LNPK: variants seen among roughly 807,000 people sequenced by gnomAD.
LNPK encodes endoplasmic reticulum junction formation protein lunapark.
LNPK carries 29 observed loss-of-function variants against 55.2 expected under a neutral mutation model. That is an observed-to-expected ratio of 0.53 (90% CI 0.39 to 0.72). The LOEUF (loss-of-function observed/expected upper bound fraction) is 0.72, where lower values mean the gene tolerates loss of function less well. LNPK is among the 30% of genes least tolerant of loss of function. The probability of loss-of-function intolerance (pLI) is 0.00; values close to 1 mark genes in which losing one functional copy is unlikely to be tolerated. For missense variants in LNPK, 467 were observed against 494.8 expected (o/e 0.94, Z 0.53); for synonymous variants, 162 against 168.2 (o/e 0.96, Z 0.29).
At chr2:176,001,789 C>T (rs1046635843) in intron 1 of LNPK, among the ~76,000 whole-genome samples, 11 of 152,238 alleles carry the variant, frequency 7.2e-5, no homozygotes, top group African/African-American at 2.4e-4. Flanking sequence ...CCTCTTTGCC[C>T]CACCTGTGTC....
intron 5 of LNPK, 82 bp downstream of exon 5, chr2:175,979,723 AATATC>A (rs1365048779): frequency 8.8e-7 from 1 of 1,139,456 alleles, no homozygotes; most frequent in Non-Finnish European, 1.2e-6. Context: ...TTATCATTCC[AATATC>A]ATATTTTACA....
At chr2:175,961,739 A>G (rs1344232911) in intron 8 of LNPK, among the ~76,000 whole-genome samples, 5 of 152,186 alleles carry the variant, frequency 3.3e-5, no homozygotes, top group African/African-American at 7.2e-5. Flanking sequence ...AGGGTATTCA[A>G]TTAGGAAAAG....
intron 8 of LNPK, among the ~76,000 whole-genome samples, chr2:175,956,776 A>G (rs1685715765): frequency 6.6e-6 from 1 of 152,076 alleles, no homozygotes; most frequent in Admixed American, 6.6e-5. Flanking sequence ...TCCATAATCC[A>G]TTGTGATAAT....
chr2:175,961,993 C>G (rs1686055294), intron 8 of LNPK, among the ~76,000 whole-genome samples: 2 of 152,176 alleles, frequency 1.3e-5, no homozygotes, highest in Non-Finnish European at 2.9e-5. Context: ...ATCCAACTTA[C>G]AAGAGATGTG....
intron 8 of LNPK, 49 bp downstream of exon 8, chr2:175,964,322 TA>T: frequency 6.7e-7 from 1 of 1,487,010 alleles, no homozygotes; most frequent in African/African-American, 1.4e-5. Context: ...CTCACTTGGG[TA>T]ATTATGGATC....
At chr2:175,983,786 A>G (rs1687285149) in intron 4 of LNPK, among the ~76,000 whole-genome samples, 1 of 152,108 alleles carries the variant, frequency 6.6e-6, no homozygotes, top group Middle Eastern at 3.2e-3. Flanking sequence ...AAACTAAAAG[A>G]AAGTCACATT....
chr2:175,929,380 G>C lies in LNPK; in HGVS notation c.*587C>G, dbSNP rs1436150041. 1.0e-6 allele frequency: 1 copy of C among 985,634 alleles called. No individual in the cohort carries two copies. The highest frequency in any genetic ancestry group is 1.2e-6 in the Non-Finnish European group (1 of 829,774). 61.1% of individuals were successfully genotyped at this position (985,634 alleles called of 1,614,324 possible). A position where few individuals can be genotyped will look rare whatever the true frequency, so the allele number is the denominator to read the frequency against. ...GCATTCTCACTGAGAATTCGTACCA[G>C]TGCCAACGTAGTTACAGTTCTACTT... is the stretch of plus-strand genomic sequence containing the variant. On this transcript the variant is annotated 3_prime_UTR_variant, in exon 13 of 13. Transcript: ENST00000272748.
chr2:175,993,042 A>C, intron 3 of LNPK, 140 bp downstream of exon 3: 1 of 547,310 alleles, frequency 1.8e-6, no homozygotes, highest in Non-Finnish European at 3.2e-6. Flanking sequence ...TTGAGATCAC[A>C]TAATATTAAA....
chr2:175,993,724 C>T (rs1294258774), intron 2 of LNPK, among the ~76,000 whole-genome samples: 1 of 151,672 alleles, frequency 6.6e-6, no homozygotes. Flanking sequence ...ACCCGGGAGC[C>T]AGAGGTTGCA....
intron 5 of LNPK, among the ~76,000 whole-genome samples, chr2:175,979,521 G>A (rs1315535470): frequency 6.6e-6 from 1 of 151,452 alleles, no homozygotes; most frequent in African/African-American, 2.4e-5. Context: ...TCGTGCCACT[G>A]CACTCCTGCC....
At position 175,985,908 on chromosome 2, in the gene LNPK, A is replaced by G. The variant is rs1687386013; in HGVS notation, c.258-6040T>C. On this transcript the variant is annotated intron_variant, in intron 4 of 12. Coordinates refer to ENST00000272748, the MANE Select transcript of LNPK (RefSeq NM_030650.3). ...CAAAACTATGGATGAAGGAAAAACT[A>G]CCATATAGATGTTACCATTGGGGTG... Among the ~76,000 whole-genome samples, 4 of 152,224 alleles carry G rather than the reference A, an allele frequency of 2.6e-5. No homozygotes were observed. The South Asian group carries it at 8.3e-4, about 32-fold the overall frequency.
At chr2:175,962,480 C>T (rs1399686616) in intron 8 of LNPK, among the ~76,000 whole-genome samples, 1 of 152,132 alleles carries the variant, frequency 6.6e-6, no homozygotes, top group Admixed American at 6.6e-5. Flanking sequence ...ATAAATGGTG[C>T]TGGGAAAACT....
chr2:175,970,271 G>A (rs1040173313), intron 6 of LNPK, among the ~76,000 whole-genome samples: 2 of 152,054 alleles, frequency 1.3e-5, no homozygotes, highest in Admixed American at 6.6e-5. Flanking sequence ...TGTGATCAGA[G>A]TTACTGATAG....
intron 1 of LNPK, among the ~76,000 whole-genome samples, chr2:176,000,866 T>C (rs1227896310): frequency 6.6e-6 from 1 of 152,220 alleles, no homozygotes; most frequent in Non-Finnish European, 1.5e-5. Context: ...TACACCTCTA[T>C]TATATATTAA....
At chr2:175,947,976 C>T (rs1333973126) in intron 8 of LNPK, among the ~76,000 whole-genome samples, 1 of 152,032 alleles carries the variant, frequency 6.6e-6, no homozygotes, top group Non-Finnish European at 1.5e-5. Flanking sequence ...AATTATGTGC[C>T]ATGTCTTTTT....
intron 4 of LNPK, among the ~76,000 whole-genome samples, chr2:175,983,580 A>T (rs1274802855): frequency 6.6e-6 from 1 of 152,176 alleles, no homozygotes; most frequent in Non-Finnish European, 1.5e-5. Flanking sequence ...TAAACTCACT[A>T]AGGTAAAAGA....
At chr2:175,930,240 G>A (rs376098394) in intron 12 of LNPK, 41 bp from the exon 13 acceptor site, 29 of 1,516,728 alleles carry the variant, frequency 1.9e-5, no homozygotes, top group African/African-American at 8.3e-5. Context: ...ATACCTGAAC[G>A]TTAAAACTGC....
chr2:175,992,154 G>A (rs760060650), intron 4 of LNPK, 77 bp downstream of exon 4: 33 of 888,788 alleles, frequency 3.7e-5, no homozygotes, highest in South Asian at 7.9e-5. Context: ...TAAAGAGACC[G>A]AATATACATA....
At chr2:175,960,812 G>A (rs919489256) in intron 8 of LNPK, among the ~76,000 whole-genome samples, 2 of 152,060 alleles carry the variant, frequency 1.3e-5, no homozygotes, top group African/African-American at 4.8e-5. Context: ...TAGACCACTA[G>A]CAAGACTAGT....
Sources: allele counts gnomAD v4.1 joint callset (sites outside exome capture counted in the v4.1 genomes callset), GRCh38; gene constraint gnomAD v4.1.1; transcripts MANE v1.5; gene names NCBI Gene and HGNC (gene_info 2026-07-23, HGNC 2026-07-21).